The following GDF6 variants were observed in gnomAD, a reference collection of about 807,000 sequenced individuals.
GDF6 encodes the protein growth differentiation factor 6, also known as growth/differentiation factor 6.
In GDF6, 3 loss-of-function variants were observed where a neutral mutation model predicts 32.4. The observed-to-expected ratio is 0.09, with a 90% CI of 0.04 to 0.24. The LOEUF (loss-of-function observed/expected upper bound fraction) is 0.24. Ranked by LOEUF, GDF6 falls within the 10% of genes least tolerant of loss-of-function variation. The pLI, the probability that GDF6 is intolerant of heterozygous loss-of-function variation, is 1.00. For synonymous variants in GDF6, 296 were observed against 295.3 expected, an observed-to-expected ratio of 1.00 and a Z score of -0.03; for missense variants, 589 against 637.9, an observed-to-expected ratio of 0.92 and a Z score of 0.83.
At position 96,145,224 on chromosome 8, in the gene GDF6, G is replaced by T. The variant is rs781041300; in HGVS notation, c.707C>A (p.Ala236Glu). The T allele has an allele frequency of 6.6e-7, 1 of 1,511,972 alleles. No homozygotes were observed. 93.7% of individuals were successfully genotyped at this position (1,511,972 alleles called of 1,614,324 possible). A position where few individuals can be genotyped will look rare whatever the true frequency, so the allele number is the denominator to read the frequency against. ...CTCCCCGGCGTCCAGCTCGCCCCAT[G>T]CGGCCCGCAGCTCCAAGCACAGCTG... is the stretch of plus-strand genomic sequence containing the variant. ...WKQLCLELRA[A>E]WGELDAGEAE... Residue 236 changes from alanine (A) to glutamate (E), a missense_variant, in exon 2 of 2, where the codon GCA (alanine) becomes GAA (glutamate). By Grantham distance (107) the Ala-to-Glu change is moderately radical. This residue lies in a region of GDF6 where 436 missense variants were observed against 411.2 expected (regional missense o/e 1.06). Coordinates refer to ENST00000287020, the MANE Select transcript of GDF6 (RefSeq NM_001001557.4). This position sits in a 1 kb window ranked among gnomAD's most constrained non-coding sequence, Gnocchi z 5.6.
At position 96,153,167 on chromosome 8, in the gene GDF6, A is replaced by G. The variant is rs563398043; in HGVS notation, c.406+7120T>C. Among the ~76,000 whole-genome samples, 8 of 152,314 alleles carry G rather than the reference A, an allele frequency of 5.3e-5. No individual in the cohort carries two copies. In the East Asian group the frequency reaches 1.5e-3, roughly 29 times the overall value. Reference sequence around the variant, plus strand: ...CGTGAGTGCTGCTCACCCTATCAGGAGCTCCAAGGCGCTTTAAGGAAACTC... The same window carrying G: ...CGTGAGTGCTGCTCACCCTATCAGGGGCTCCAAGGCGCTTTAAGGAAACTC... On this transcript the variant is annotated intron_variant, in intron 1 of 1. Transcript: ENST00000287020.
Position 96,155,870 on chromosome 8 carries a change from T to C in GDF6, c.406+4417A>G, listed in dbSNP as rs145335208. Among the ~76,000 whole-genome samples the C allele has an allele frequency of 2.9e-3, 436 of 152,276 alleles. 1 individual carries two copies. Among genetic ancestry groups the C allele is most frequent in the African/African-American group, 0.01 (416 of 41,554 alleles). On this transcript the variant is annotated intron_variant, in intron 1 of 1. Transcript: ENST00000287020. ...GGGTACCGGCAAAAGCACTGCTGAG[T>C]TGATTACACCACTCTGCGGCTCAGG...
intron 1 of GDF6, among the ~76,000 whole-genome samples, chr8:96,155,713 A>C (rs1376726145): frequency 3.3e-5 from 5 of 152,232 alleles, no homozygotes; most frequent in Non-Finnish European, 5.9e-5. Context: ...TCTGGTCTGC[A>C]TTAGTGTTTT....
intron 1 of GDF6, among the ~76,000 whole-genome samples, chr8:96,153,804 C>T (rs923447971): frequency 2.0e-5 from 3 of 152,086 alleles, no homozygotes; most frequent in Non-Finnish European, 4.4e-5. Flanking sequence ...ACCCAGGGGT[C>T]CTGCGCAGGA....
At position 96,151,186 on chromosome 8, in the gene GDF6, T is replaced by C. The variant is rs571057593; in HGVS notation, c.407-5662A>G. Among the ~76,000 whole-genome samples the C allele has an allele frequency of 1.2e-3, 177 of 152,314 alleles. 1 individual carries two copies. The highest frequency in any genetic ancestry group is 3.8e-3 in the African/African-American group (159 of 41,562). On this transcript the variant is annotated intron_variant, in intron 1 of 1. Coordinates refer to ENST00000287020, the MANE Select transcript of GDF6 (RefSeq NM_001001557.4). ...GCTGACGCATTGCTAACATTCTTACTGAGATGTAAGTTCGGGAAGCAGTCC... is the reference window on the plus strand; with the variant it reads ...GCTGACGCATTGCTAACATTCTTACCGAGATGTAAGTTCGGGAAGCAGTCC...
intron 1 of GDF6, among the ~76,000 whole-genome samples, chr8:96,147,185 C>G (rs1054596875): frequency 6.6e-6 from 1 of 151,612 alleles, no homozygotes; most frequent in African/African-American, 2.4e-5. Context: ...AGTTTGTACT[C>G]GGGGCTGACC....
chr8:96,160,771 G>A lies in GDF6; in HGVS notation c.-79C>T. 1 of 1,456,348 alleles carries A rather than the reference G, an allele frequency of 6.9e-7. No homozygotes were observed. The highest frequency in any genetic ancestry group is 9.4e-7 in the Non-Finnish European group (1 of 1,060,912). 90.2% of individuals were successfully genotyped at this position (1,456,348 alleles called of 1,614,324 possible). A position where few individuals can be genotyped will look rare whatever the true frequency, so the allele number is the denominator to read the frequency against. ...GCGGGGCACGGAGCGGCTGGACAGC[G>A]GCCGGGGCCCGGCTCCTCGGGCGGA... On this transcript the variant is annotated 5_prime_UTR_variant, in exon 1 of 2. Coordinates refer to ENST00000287020, the MANE Select transcript of GDF6 (RefSeq NM_001001557.4).
chr8:96,150,253 C>T (rs951928406), intron 1 of GDF6, among the ~76,000 whole-genome samples: 1 of 152,172 alleles, frequency 6.6e-6, no homozygotes, highest in Admixed American at 6.5e-5. Flanking sequence ...CGCAGTGACC[C>T]TGGATAGCTA....
chr8:96,144,782 G>A lies in GDF6; in HGVS notation c.1149C>T (p.Cys383=), dbSNP rs1262040814. The change falls in exon 2 of 2, where the codon TGC becomes TGT. Residue 383 remains cysteine (C), a synonymous_variant. Coordinates refer to ENST00000287020, the MANE Select transcript of GDF6 (RefSeq NM_001001557.4). This position sits in a 1 kb window ranked among gnomAD's most constrained non-coding sequence, Gnocchi z 5.1. The part of the protein sequence containing the change: ...IAPLEYEAYH[C]EGVCDFPLRS... ...GCAGCGGGAAGTCGCATACACCCTC[G>A]CAGTGATAGGCCTCGTACTCCAGGG... The A allele has an allele frequency of 6.2e-7, 1 of 1,613,978 alleles. No homozygotes were observed. Among genetic ancestry groups the A allele is most frequent in the East Asian group, 2.2e-5 (1 of 44,864 alleles).
intron 1 of GDF6, among the ~76,000 whole-genome samples, chr8:96,159,517 T>C (rs1812723753): frequency 6.6e-6 from 1 of 152,122 alleles, no homozygotes; most frequent in African/African-American, 2.4e-5. Flanking sequence ...GAACGTCGCC[T>C]GGCTGAGAAA....
intron 1 of GDF6, among the ~76,000 whole-genome samples, chr8:96,149,620 A>AT (rs1586120909): frequency 1.3e-5 from 2 of 152,192 alleles, no homozygotes; most frequent in Non-Finnish European, 2.9e-5. Flanking sequence ...AAGGGTACAA[A>AT]TTTTCAGTTA....
rs1222908779 is a variant in GDF6 at position 96,145,650 on chromosome 8, C to T, written c.407-126G>A. The T allele has an allele frequency of 8.7e-7, 1 of 1,150,882 alleles. No homozygotes were observed. The highest frequency in any genetic ancestry group is 2.0e-5 in the Admixed American group (1 of 50,780). 71.3% of individuals were successfully genotyped at this position (1,150,882 alleles called of 1,614,324 possible). On this transcript the variant is annotated intron_variant, in intron 1 of 1. Coordinates refer to ENST00000287020, the MANE Select transcript of GDF6 (RefSeq NM_001001557.4). This position sits in a 1 kb window ranked among gnomAD's most constrained non-coding sequence, Gnocchi z 5.6. ...GGTCGGCCGGGCAGTCCAGCTTGCC[C>T]GGCCCAGGGCCTGACCACCCCGGCT...
rs558525706 is a variant in GDF6, at chr8:96,143,943, T to C, written c.*620A>G. ...GGGCCCACCTCTCTCAAAGCTCTTC[T>C]ATAGGCAGGACCATTCCTGACTTAA... On this transcript the variant is annotated 3_prime_UTR_variant, in exon 2 of 2. Coordinates refer to ENST00000287020, the MANE Select transcript of GDF6 (RefSeq NM_001001557.4). 45 of 157,532 alleles carry C rather than the reference T, an allele frequency of 2.9e-4. No homozygotes were observed. Among genetic ancestry groups the C allele is most frequent in the Non-Finnish European group, 5.4e-4 (38 of 71,000 alleles). 9.8% of individuals were successfully genotyped at this position (157,532 alleles called of 1,614,324 possible). A position where few individuals can be genotyped will look rare whatever the true frequency, so the allele number is the denominator to read the frequency against.
chr8:96,159,246 C>T (rs2130235604), intron 1 of GDF6, among the ~76,000 whole-genome samples: 1 of 152,244 alleles, frequency 6.6e-6, no homozygotes, highest in East Asian at 1.9e-4. Flanking sequence ...CTTTTTCTCC[C>T]TTCCTTTCCT....
At position 96,144,861 on chromosome 8, in the gene GDF6, T is replaced by C. The variant is rs1374405478; in HGVS notation, c.1070A>G (p.Lys357Arg). 6.2e-7 allele frequency: 1 copy of C among 1,613,844 alleles called. No individual in the cohort carries two copies. Among genetic ancestry groups the C allele is most frequent in the African/African-American group, 1.3e-5 (1 of 74,900 alleles). ...CTCCTTGAAGTTCACGTGCAGGGGCTTCTTGCTGCAGCGTAGCCTGGACTT... is the reference window on the plus strand; with the variant it reads ...CTCCTTGAAGTTCACGTGCAGGGGCCTCTTGCTGCAGCGTAGCCTGGACTT... ...GKKSRLRCSK[K>R]PLHVNFKELG... Residue 357 changes from lysine (K) to arginine (R), a missense_variant, in exon 2 of 2, where the codon AAG becomes AGG. Physicochemically the swap from Lys to Arg is conservative, Grantham distance 26. Around this residue, in one of 2 missense-constraint regions of GDF6, gnomAD observed 153 missense variants for 226.7 expected, o/e 0.67. Coordinates refer to ENST00000287020, the MANE Select transcript of GDF6 (RefSeq NM_001001557.4). This position sits in a 1 kb window ranked among gnomAD's most constrained non-coding sequence, Gnocchi z 5.1.
intron 1 of GDF6, among the ~76,000 whole-genome samples, chr8:96,149,176 A>G (rs1330996745): frequency 1.3e-5 from 2 of 152,218 alleles, no homozygotes; most frequent in Non-Finnish European, 2.9e-5. Context: ...CACCCCTTTG[A>G]CTAAAAAAAC....
rs1006400954 is a variant in GDF6, at chr8:96,145,649, C to T, written c.407-125G>A. The T allele has an allele frequency of 2.5e-6, 3 of 1,179,986 alleles. No homozygotes were observed. Among genetic ancestry groups the T allele is most frequent in the Admixed American group, 1.9e-5 (1 of 51,286 alleles). 73.1% of individuals were successfully genotyped at this position (1,179,986 alleles called of 1,614,324 possible). A position where few individuals can be genotyped will look rare whatever the true frequency, so the allele number is the denominator to read the frequency against. ...AGGTCGGCCGGGCAGTCCAGCTTGC[C>T]CGGCCCAGGGCCTGACCACCCCGGC... On this transcript the variant is annotated intron_variant, in intron 1 of 1. Transcript: ENST00000287020. The surrounding 1 kb of genome is among the most constrained non-coding windows in gnomAD (Gnocchi z 5.6).
chr8:96,148,372 G>GCT (rs1812517033), intron 1 of GDF6, among the ~76,000 whole-genome samples: 1 of 152,218 alleles, frequency 6.6e-6, no homozygotes, highest in African/African-American at 2.4e-5. Context: ...CTGCAAGTGA[G>GCT]CTCAGGGATA....
intron 1 of GDF6, among the ~76,000 whole-genome samples, chr8:96,152,809 G>A (rs1366093280): frequency 6.6e-6 from 1 of 151,852 alleles, no homozygotes; most frequent in Non-Finnish European, 1.5e-5. Context: ...TCTTGGAGAG[G>A]CTTTTCCACT....
Sources: allele counts gnomAD v4.1 joint callset (sites outside exome capture counted in the v4.1 genomes callset), GRCh38; gene constraint gnomAD v4.1.1; regional missense constraint gnomAD v4.1.1; non-coding constraint Gnocchi (gnomAD v3.1); transcripts MANE v1.5; gene names NCBI Gene and HGNC (gene_info 2026-07-23, HGNC 2026-07-21).